The following LRRTM4 variants were observed in gnomAD, a reference collection of about 807,000 sequenced individuals.
LRRTM4 encodes the protein leucine-rich repeat transmembrane neuronal protein 4.
A neutral mutation model predicts 47.6 loss-of-function variants in LRRTM4; 25 were observed. The ratio of observed to expected loss-of-function variants is 0.53; its 90% CI spans 0.38 to 0.73. LRRTM4 has a LOEUF of 0.73. LRRTM4 is among the 30% of genes least tolerant of loss of function. The pLI is 0.00. For missense variants in LRRTM4, 638 were observed against 713.4 expected, an observed-to-expected ratio of 0.89 and a Z score of 1.20; for synonymous variants, 311 against 269.5, an observed-to-expected ratio of 1.15 and a Z score of -1.51.
chr2:77,069,114 C>A lies in LRRTM4; in HGVS notation c.1552-320198G>T, dbSNP rs556045205. The stretch of plus-strand genomic sequence containing the variant: ...ATAAATACATGGGTAAATCTCTATT[C>A]GAGGCTTTCAACTCTGAAGGCTGTG... On this transcript the variant is annotated intron_variant, in intron 3 of 3. Transcript: ENST00000409884. 2.6e-5 allele frequency among the ~76,000 whole-genome samples: 4 copies of A among 152,010 alleles called. No individual in the cohort carries two copies. In the South Asian group the frequency reaches 6.2e-4, roughly 24 times the overall value.
chr2:76,962,655 T>G (rs943030849), intron 3 of LRRTM4, among the ~76,000 whole-genome samples: 1 of 150,622 alleles, frequency 6.6e-6, no homozygotes, highest in Non-Finnish European at 1.5e-5. Flanking sequence ...GCAAATTCAG[T>G]AATATAATTG....
At chr2:77,272,058 C>T (rs1311934878) in intron 3 of LRRTM4, among the ~76,000 whole-genome samples, 1 of 152,126 alleles carries the variant, frequency 6.6e-6, no homozygotes, top group Non-Finnish European at 1.5e-5. Flanking sequence ...TTCAACATGT[C>T]TCATATTCCA....
intron 3 of LRRTM4, among the ~76,000 whole-genome samples, chr2:77,201,014 T>TA (rs1673959028): frequency 6.6e-6 from 1 of 152,156 alleles, no homozygotes; most frequent in African/African-American, 2.4e-5. Context: ...CAAGTGTACG[T>TA]AAGCCAGTTA....
At chr2:77,406,836 C>G (rs1315162962) in intron 3 of LRRTM4, among the ~76,000 whole-genome samples, 1 of 152,012 alleles carries the variant, frequency 6.6e-6, no homozygotes, top group Admixed American at 6.6e-5. Context: ...CAAGAAAATA[C>G]TGGAATACAG....
Position 77,516,713 on chromosome 2 carries a change from T to C in LRRTM4, c.1551+1605A>G, listed in dbSNP as rs185545008. On this transcript the variant is annotated intron_variant, in intron 3 of 3. Coordinates refer to ENST00000409884, the MANE Select transcript of LRRTM4 (RefSeq NM_001134745.3). The stretch of plus-strand genomic sequence containing the variant: ...TTTAATTTTTAAGGGCAATTGCTTA[T>C]ACAGTTTCCTTTTAGGAATTTATTA... The C allele has an allele frequency of 1.5e-5, 14 of 965,070 alleles. No homozygotes were observed. The African/African-American group carries it at 2.5e-4, about 17-fold the overall frequency. 59.8% of individuals were successfully genotyped at this position (965,070 alleles called of 1,614,324 possible).
At position 76,810,795 on chromosome 2, in the gene LRRTM4, A is replaced by G. The variant is rs563413073; in HGVS notation, c.1552-61879T>C. Among the ~76,000 whole-genome samples, 3 of 152,292 alleles carry G rather than the reference A, an allele frequency of 2.0e-5. No homozygotes were observed. The South Asian group carries it at 6.2e-4, about 32-fold the overall frequency. The stretch of plus-strand genomic sequence containing the variant: ...CTTTGAAATCATTGGCTAAACAATA[A>G]AAGCATGGAGATTACCTGTGAATGT... On this transcript the variant is annotated intron_variant, in intron 3 of 3. Transcript: ENST00000409884.
intron 3 of LRRTM4, among the ~76,000 whole-genome samples, chr2:77,398,290 C>G (rs535995000): frequency 6.6e-6 from 1 of 152,026 alleles, no homozygotes; most frequent in Admixed American, 6.6e-5. Flanking sequence ...TAAAACAGGT[C>G]TAGAACATCT....
intron 3 of LRRTM4, among the ~76,000 whole-genome samples, chr2:76,918,742 C>T (rs1674336026): frequency 6.6e-6 from 1 of 152,078 alleles, no homozygotes; most frequent in South Asian, 2.1e-4. Context: ...CTCAATTTAG[C>T]CTCAGTTGCA....
chr2:77,016,386 A>T (rs1022377720), intron 3 of LRRTM4, among the ~76,000 whole-genome samples: 3 of 145,098 alleles, frequency 2.1e-5, no homozygotes, highest in African/African-American at 8.3e-5. Context: ...CTCCATTTAA[A>T]AAAAAAAAAA....
intron 3 of LRRTM4, among the ~76,000 whole-genome samples, chr2:76,949,655 T>C (rs1375767371): frequency 6.6e-6 from 1 of 151,954 alleles, no homozygotes; most frequent in Non-Finnish European, 1.5e-5. Flanking sequence ...TCTTCTCTGG[T>C]ATCCAGTTCC....
intron 3 of LRRTM4, among the ~76,000 whole-genome samples, chr2:77,085,524 C>G (rs7559507): frequency 0.16 from 23,698 of 151,824 alleles, 1,913 homozygotes; most frequent in East Asian, 0.22. Flanking sequence ...CTCTTTAAAA[C>G]ATGGAATCAC....
At chr2:77,162,716 G>C (rs1320190134) in intron 3 of LRRTM4, among the ~76,000 whole-genome samples, 1 of 152,148 alleles carries the variant, frequency 6.6e-6, no homozygotes, top group Non-Finnish European at 1.5e-5. Flanking sequence ...ACAGGGTCTG[G>C]AGTGGACCTC....
rs1679288464 is a variant in LRRTM4 at position 77,047,934 on chromosome 2, A to C, written c.1552-299018T>G. 2.6e-5 allele frequency among the ~76,000 whole-genome samples: 4 copies of C among 152,040 alleles called. 1 individual carries two copies. In the South Asian group the frequency reaches 8.3e-4, roughly 31 times the overall value. On this transcript the variant is annotated intron_variant, in intron 3 of 3. Transcript: ENST00000409884. ...CAGGCTGTCTTGTGCATTGTAGGAC[A>C]TTTAGCAGTGAAGTAACAGTTAACT...
chr2:76,943,307 G>A (rs1306668853), intron 3 of LRRTM4, among the ~76,000 whole-genome samples: 2 of 152,130 alleles, frequency 1.3e-5, no homozygotes, highest in East Asian at 3.9e-4. Context: ...ATGGTGGCGG[G>A]CGCCTGTGGT....
intron 3 of LRRTM4, among the ~76,000 whole-genome samples, chr2:76,982,601 T>C (rs1676650219): frequency 6.6e-6 from 1 of 151,996 alleles, no homozygotes; most frequent in Non-Finnish European, 1.5e-5. Context: ...TGGTAGAATA[T>C]GACTTAGTCA....
intron 3 of LRRTM4, among the ~76,000 whole-genome samples, chr2:77,011,276 A>G (rs1319889252): frequency 6.6e-6 from 1 of 152,136 alleles, no homozygotes; most frequent in Non-Finnish European, 1.5e-5. Flanking sequence ...TTCACACTAA[A>G]TTTCTAAAAA....
intron 3 of LRRTM4, among the ~76,000 whole-genome samples, chr2:77,347,536 A>G (rs143657779): frequency 3.2e-4 from 48 of 152,314 alleles, no homozygotes; most frequent in Non-Finnish European, 2.5e-4. Flanking sequence ...AAAAATACAT[A>G]ATTTACCAAA....
rs560461667 is a variant in LRRTM4, at chr2:77,399,837, T to C, written c.1551+118481A>G. 1.1e-4 allele frequency among the ~76,000 whole-genome samples: 17 copies of C among 151,976 alleles called. No homozygotes were observed. In the South Asian group the frequency reaches 2.7e-3, roughly 24 times the overall value. On this transcript the variant is annotated intron_variant, in intron 3 of 3. Coordinates refer to ENST00000409884, the MANE Select transcript of LRRTM4 (RefSeq NM_001134745.3). ...AAAGGGAAATTGGAAAAGATGTGCA[T>C]TGAAATTGGGAAATCTTTTTGCTCC...
chr2:76,770,682 C>A (rs1305884050), intron 3 of LRRTM4, among the ~76,000 whole-genome samples: 1 of 152,088 alleles, frequency 6.6e-6, no homozygotes, highest in Non-Finnish European at 1.5e-5. Flanking sequence ...AAAGTAAAAG[C>A]TATGTAAAAT....
Sources: allele counts gnomAD v4.1 joint callset (sites outside exome capture counted in the v4.1 genomes callset), GRCh38; gene constraint gnomAD v4.1.1; transcripts MANE v1.5; gene names NCBI Gene and HGNC (gene_info 2026-07-23, HGNC 2026-07-21).